Variants in SLC8A1 observed in about 807,000 individuals in gnomAD.
SLC8A1 encodes sodium/calcium exchanger 1.
A neutral mutation model predicts 68.3 loss-of-function variants in SLC8A1; 18 were observed. The observed-to-expected ratio is 0.26, with a 90% confidence interval of 0.18 to 0.39. SLC8A1 has a LOEUF of 0.39. Ranked by LOEUF, SLC8A1 falls within the 10% of genes least tolerant of loss-of-function variation. The pLI, the probability that SLC8A1 is intolerant of heterozygous loss-of-function variation, is 1.00. For synonymous variants in SLC8A1, 475 were observed against 415.5 expected, an observed-to-expected ratio of 1.14 and a Z score of -1.74; for missense variants, 985 against 1,156.7, an observed-to-expected ratio of 0.85 and a Z score of 2.15.
intron 2 of SLC8A1, among the ~76,000 whole-genome samples, chr2:40,184,898 C>CAAAAAAAAAAAAAA (rs66662572): frequency 6.6e-5 from 7 of 106,518 alleles, no homozygotes; most frequent in African/African-American, 1.5e-4. Flanking sequence ...TAACCAAAAA[C>CAAAAAAAAAAAAAA]AAAAAAAAAA....
Position 40,404,439 on chromosome 2 carries a change from T to C in SLC8A1, c.1808+24034A>G, listed in dbSNP as rs1241232786. ...GACAATACATTTTTTGCAATAGATA[T>C]GGTAATTTGAAAAGAACACATTTAA... On this transcript the variant is annotated intron_variant, in intron 2 of 7. Transcript: ENST00000406785. Among the ~76,000 whole-genome samples the C allele has an allele frequency of 7.9e-5, 12 of 152,216 alleles. No individual in the cohort carries two copies. In the East Asian group the frequency reaches 1.5e-3, roughly 20 times the overall value.
At chr2:40,154,479 CTTTTCTTTTT>C (rs1487533207) in intron 6 of SLC8A1, among the ~76,000 whole-genome samples, 5 of 30,044 alleles carry the variant, frequency 1.7e-4, no homozygotes, top group East Asian at 2.7e-3. Flanking sequence ...AATTTTTTTT[CTTTTCTTTTT>C]TTTTTTTTTT....
chr2:40,115,256 G>A, exon 8 of SLC8A1: 1 of 1,604,562 alleles, frequency 6.2e-7, no homozygotes, highest in Non-Finnish European at 8.5e-7. Flanking sequence ...AGTTCCTTTA[G>A]AAGCCTTTTA....
rs576544988 is a variant in SLC8A1, at chr2:40,261,662, C to T, written c.1809-83807G>A. ...AAAGAGCCCATGCTACTCTGTATGA[C>T]AAAATACTATGCCTTTATTTGCATA... On this transcript the variant is annotated intron_variant, in intron 2 of 7. Coordinates refer to ENST00000406785, the Ensembl canonical transcript of SLC8A1. 2.6e-5 allele frequency among the ~76,000 whole-genome samples: 4 copies of T among 152,238 alleles called. No homozygotes were observed. The East Asian group carries it at 7.7e-4, about 29-fold the overall frequency.
At chr2:40,424,559 T>C (rs534520801) in intron 2 of SLC8A1, among the ~76,000 whole-genome samples, 8 of 151,826 alleles carry the variant, frequency 5.3e-5, no homozygotes, top group Non-Finnish European at 1.2e-4. Context: ...GTCTTACACA[T>C]ACTATTTCCT....
intron 2 of SLC8A1, among the ~76,000 whole-genome samples, chr2:40,186,798 G>A (rs2050779119): frequency 6.6e-6 from 1 of 152,144 alleles, no homozygotes. Flanking sequence ...ATCAAATGAA[G>A]ATAATAGAAC....
intron 2 of SLC8A1, among the ~76,000 whole-genome samples, chr2:40,198,360 G>A (rs1349889005): frequency 6.6e-6 from 1 of 151,824 alleles, no homozygotes; most frequent in Non-Finnish European, 1.5e-5. Context: ...GTTCTTGTTT[G>A]CATTTCCCAA....
intron 7 of SLC8A1, among the ~76,000 whole-genome samples, chr2:40,122,766 T>C (rs1358147203): frequency 6.6e-6 from 1 of 152,184 alleles, no homozygotes; most frequent in Non-Finnish European, 1.5e-5. Flanking sequence ...TAATGATGTA[T>C]GGAATGAGTG....
chr2:40,271,299 C>T (rs960147849), intron 2 of SLC8A1, among the ~76,000 whole-genome samples: 4 of 152,018 alleles, frequency 2.6e-5, no homozygotes, highest in Admixed American at 6.6e-5. Context: ...AGCCACATGG[C>T]CCCCTTGCTG....
intron 1 of SLC8A1, among the ~76,000 whole-genome samples, chr2:40,509,278 G>A (rs1324671492): frequency 6.6e-6 from 1 of 152,068 alleles, no homozygotes; most frequent in Non-Finnish European, 1.5e-5. Flanking sequence ...TGAAGGTGGA[G>A]AAATCCTATA....
At chr2:40,374,352 T>C (rs1029235248) in intron 2 of SLC8A1, among the ~76,000 whole-genome samples, 3 of 151,700 alleles carry the variant, frequency 2.0e-5, no homozygotes, top group African/African-American at 7.3e-5. Context: ...TCTCTGTATT[T>C]ATATATATAT....
chr2:40,310,956 TTTAA>T (rs1465000176), intron 2 of SLC8A1, among the ~76,000 whole-genome samples: 1 of 152,176 alleles, frequency 6.6e-6, no homozygotes, highest in African/African-American at 2.4e-5. Flanking sequence ...TTTTTATTGG[TTTAA>T]TTGTCTAAAT....
chr2:40,391,543 A>C (rs1289205924), intron 2 of SLC8A1, among the ~76,000 whole-genome samples: 1 of 152,068 alleles, frequency 6.6e-6, no homozygotes, highest in Non-Finnish European at 1.5e-5. Flanking sequence ...CAGGAACCAT[A>C]AATACTTCTC....
chr2:40,154,652 T>A (rs2044126608), intron 6 of SLC8A1, among the ~76,000 whole-genome samples: 1 of 151,976 alleles, frequency 6.6e-6, no homozygotes, highest in Non-Finnish European at 1.5e-5. Context: ...TTCACACTCA[T>A]ATGTCTTTGA....
intron 2 of SLC8A1, among the ~76,000 whole-genome samples, chr2:40,376,612 G>C (rs889018265): frequency 2.0e-5 from 3 of 152,036 alleles, no homozygotes; most frequent in African/African-American, 7.2e-5. Context: ...AAAAGGAAAG[G>C]AAAGTTCACG....
At chr2:40,174,756 TTAATG>T (rs760690819) in intron 4 of SLC8A1, 36 bp from the exon 6 acceptor site, 12 of 1,575,698 alleles carry the variant, frequency 7.6e-6, no homozygotes, top group Non-Finnish European at 1.0e-5. Context: ...GAAATTTTTT[TTAATG>T]TAATAACATC....
At chr2:40,305,557 A>T (rs2072409900) in intron 2 of SLC8A1, among the ~76,000 whole-genome samples, 1 of 152,196 alleles carries the variant, frequency 6.6e-6, no homozygotes, top group Non-Finnish European at 1.5e-5. Flanking sequence ...GATTATTAAT[A>T]TTTCAGAGGC....
chr2:40,460,571 G>A (rs1372342537), intron 1 of SLC8A1, among the ~76,000 whole-genome samples: 10 of 138,070 alleles, frequency 7.2e-5, no homozygotes, highest in Non-Finnish European at 4.6e-5. Context: ...CAGACTGTAA[G>A]TATTTTTTAA....
intron 2 of SLC8A1, among the ~76,000 whole-genome samples, chr2:40,327,356 T>C (rs1285392279): frequency 6.6e-6 from 1 of 152,220 alleles, no homozygotes; most frequent in African/African-American, 2.4e-5. Flanking sequence ...GCATATGACA[T>C]TTTAACATTT....
Sources: allele counts gnomAD v4.1 joint callset (sites outside exome capture counted in the v4.1 genomes callset), GRCh38; gene constraint gnomAD v4.1.1; transcripts MANE v1.5; gene names NCBI Gene and HGNC (gene_info 2026-07-23, HGNC 2026-07-21).